The following ARMC2 variants were observed in gnomAD, a reference collection of about 807,000 sequenced individuals.
ARMC2 encodes the protein armadillo repeat-containing protein 2.
Under a neutral mutation model 90.3 loss-of-function variants are expected in ARMC2, and 67 were observed. The observed-to-expected ratio is 0.74, with a 90% CI of 0.61 to 0.91. The LOEUF (loss-of-function observed/expected upper bound fraction) is 0.91, where lower values mean the gene tolerates loss of function less well. Among genes scored for constraint, ARMC2 ranks in the 40% least tolerant of loss-of-function variants. ARMC2 has a pLI of 0.00. For synonymous variants in ARMC2, 393 were observed against 393.0 expected, an observed-to-expected ratio of 1.00 and a Z score of 0.00; for missense variants, 920 against 1,030.9, an observed-to-expected ratio of 0.89 and a Z score of 1.47.
At chr6:108,867,008 C>G (rs1004864191) in intron 3 of ARMC2, among the ~76,000 whole-genome samples, 4 of 151,966 alleles carry the variant, frequency 2.6e-5, no homozygotes, top group Non-Finnish European at 5.9e-5. Flanking sequence ...TGACATCACC[C>G]AATTTTCCAA....
chr6:109,044,963 C>T, the ARMC2 span, among the ~76,000 whole-genome samples: 1 of 151,742 alleles, frequency 6.6e-6, no homozygotes, highest in Non-Finnish European at 1.5e-5. Context: ...GTAGAGGTTG[C>T]GGTGAGCTGA....
chr6:109,014,390 T>C, the ARMC2 span, among the ~76,000 whole-genome samples: 1 of 152,190 alleles, frequency 6.6e-6, no homozygotes, highest in Non-Finnish European at 1.5e-5. Context: ...AAACTAAAAG[T>C]ATGGGCAACT....
At chr6:108,887,186 A>G (rs895628353) in intron 5 of ARMC2, among the ~76,000 whole-genome samples, 3 of 152,184 alleles carry the variant, frequency 2.0e-5, no homozygotes, top group Non-Finnish European at 2.9e-5. Flanking sequence ...TGCTGTGGTT[A>G]CAGATGTGAG....
At chr6:109,019,226 C>T in the ARMC2 span, among the ~76,000 whole-genome samples, 2 of 152,098 alleles carry the variant, frequency 1.3e-5, no homozygotes, top group African/African-American at 2.4e-5. Flanking sequence ...GACACACACC[C>T]CTCATGATCT....
chr6:108,973,419 T>G lies in ARMC2; in HGVS notation c.2509T>G (p.Trp837Gly), dbSNP rs1456255753. 1 of 1,613,892 alleles carries G rather than the reference T, an allele frequency of 6.2e-7. No homozygotes were observed. The highest frequency in any genetic ancestry group is 2.2e-5 in the East Asian group (1 of 44,868). The part of the protein sequence containing the change: ...PDLKNYHKLH[W>G]ETEFKPVAQQ... ...CCTAAAAAACTATCACAAACTCCAT[T>G]GGGAAACAGAATTCAAACCTGTGGC... Residue 837 changes from tryptophan (W) to glycine (G), a missense_variant, in exon 18 of 18, where the codon TGG becomes GGG. By Grantham distance (184) the Trp-to-Gly change is radical. Coordinates refer to ENST00000392644, the MANE Select transcript of ARMC2 (RefSeq NM_032131.6).
chr6:108,878,139 T>G (rs1184336932), intron 5 of ARMC2, among the ~76,000 whole-genome samples: 1 of 152,234 alleles, frequency 6.6e-6, no homozygotes, highest in Non-Finnish European at 1.5e-5. Context: ...CTCTTAGCAA[T>G]TCTTTCATTA....
At chr6:108,986,505 A>G in the ARMC2 span, 1 of 152,680 alleles carries the variant, frequency 6.5e-6, no homozygotes, top group South Asian at 2.1e-4. Flanking sequence ...AAAGCAATTC[A>G]CGCTTCCAGA....
chr6:108,860,305 T>C (rs1412976787), intron 3 of ARMC2, among the ~76,000 whole-genome samples: 2 of 152,130 alleles, frequency 1.3e-5, no homozygotes, highest in Non-Finnish European at 2.9e-5. Context: ...TGTTGCATTT[T>C]TGTCTCTGCT....
intron 3 of ARMC2, among the ~76,000 whole-genome samples, chr6:108,861,372 A>G (rs1334444141): frequency 6.6e-6 from 1 of 152,236 alleles, no homozygotes; most frequent in Non-Finnish European, 1.5e-5. Flanking sequence ...GTGATACTTC[A>G]TCCACAAAAA....
chr6:108,915,541 G>A (rs533487074), intron 10 of ARMC2, among the ~76,000 whole-genome samples: 6 of 152,138 alleles, frequency 3.9e-5, no homozygotes, highest in African/African-American at 7.2e-5. Context: ...AAGCAGCTCC[G>A]TTGGGCTCAT....
downstream of ARMC2, among the ~76,000 whole-genome samples, chr6:108,975,852 T>C (rs1293432039): frequency 6.6e-6 from 1 of 152,212 alleles, no homozygotes; most frequent in Non-Finnish European, 1.5e-5. Flanking sequence ...TGGGGTTGTT[T>C]GTTTTTTCTT....
chr6:108,885,228 GT>G (rs1330394424), intron 5 of ARMC2, among the ~76,000 whole-genome samples: 60 of 8,406 alleles, frequency 7.1e-3, no homozygotes, highest in Middle Eastern at 0.1. Flanking sequence ...GTGCCAAGGG[GT>G]GTGTGTGTGT....
At chr6:109,042,701 A>T in the ARMC2 span, among the ~76,000 whole-genome samples, 1 of 152,020 alleles carries the variant, frequency 6.6e-6, no homozygotes, top group Non-Finnish European at 1.5e-5. Flanking sequence ...TATTAAGAAA[A>T]TTGAATTTGT....
the ARMC2 span, among the ~76,000 whole-genome samples, chr6:109,005,190 T>C: frequency 6.6e-6 from 1 of 152,202 alleles, no homozygotes; most frequent in African/African-American, 2.4e-5. Context: ...TAGAAGGCTG[T>C]TTCAATAAAG....
At chr6:109,046,100 G>GCCCTCT in the ARMC2 span, among the ~76,000 whole-genome samples, 16,916 of 151,846 alleles carry the variant, frequency 0.11, 1,031 homozygotes, top group South Asian at 0.18. Flanking sequence ...TGTAGCTCTA[G>GCCCTCT]CCCTCTCCCT....
intron 17 of ARMC2, among the ~76,000 whole-genome samples, chr6:108,970,494 C>CTTTTTTTTTTTT (rs1156823883): frequency 3.4e-5 from 4 of 117,342 alleles, no homozygotes; most frequent in Non-Finnish European, 7.1e-5. Context: ...CTTCTCTTTT[C>CTTTTTTTTTTTT]TTTTTTTTTT....
intron 5 of ARMC2, among the ~76,000 whole-genome samples, chr6:108,880,720 T>G (rs908897453): frequency 2.7e-5 from 4 of 149,000 alleles, no homozygotes; most frequent in Non-Finnish European, 5.9e-5. Context: ...CTTCCTTCCT[T>G]CCCCCTTCCC....
At chr6:108,964,000 T>C (rs557323239) in intron 15 of ARMC2, among the ~76,000 whole-genome samples, 180 bp from the exon 16 acceptor site, 2 of 152,274 alleles carry the variant, frequency 1.3e-5, no homozygotes, top group African/African-American at 4.8e-5. Context: ...CTGGGAGTGG[T>C]GGGTATTGGG....
chr6:109,046,292 CCGGG>C, the ARMC2 span, among the ~76,000 whole-genome samples: 1 of 151,684 alleles, frequency 6.6e-6, no homozygotes, highest in Admixed American at 6.6e-5. Context: ...GCTGTGTTGG[CCGGG>C]CCGGTCTCCA....
Sources: gnomAD v4.1 joint callset for allele counts (sites outside exome capture counted in the v4.1 genomes callset) on GRCh38, gnomAD v4.1.1 for gene constraint, MANE v1.5 for transcripts, NCBI Gene and HGNC (gene_info 2026-07-23, HGNC 2026-07-21) for gene names.